TCF4: variants seen among roughly 807,000 people sequenced by gnomAD.
The protein encoded by TCF4 is SL3-3 enhancer factor 2.
In TCF4, 3 loss-of-function variants were observed where a neutral mutation model predicts 82.1. That is an observed-to-expected ratio of 0.04 (90% confidence interval 0.02 to 0.09). The LOEUF is 0.09. Among genes scored for constraint, TCF4 ranks in the 10% least tolerant of loss-of-function variants. The pLI is 1.00. For missense variants in TCF4, 518 were observed against 852.7 expected (o/e 0.61, Z 4.89); for synonymous variants, 276 against 309.6 (o/e 0.89, Z 1.14).
upstream of TCF4, among the ~76,000 whole-genome samples, chr18:55,593,088 AAGT>A (rs2147929353): frequency 6.6e-6 from 1 of 152,278 alleles, no homozygotes; most frequent in Admixed American, 6.5e-5. Flanking sequence ...TTTTTTTCTA[AAGT>A]AGTGACCGCT....
intron 3 of TCF4, among the ~76,000 whole-genome samples, chr18:55,573,817 A>G (rs1245593633): frequency 6.6e-6 from 1 of 152,204 alleles, no homozygotes; most frequent in Non-Finnish European, 1.5e-5. Flanking sequence ...TCCTCCATGT[A>G]GGCAACATCA....
intron 2 of TCF4, among the ~76,000 whole-genome samples, chr18:55,607,045 A>T (rs947608109): frequency 6.6e-6 from 1 of 152,166 alleles, no homozygotes; most frequent in African/African-American, 2.4e-5. Context: ...CAATACCTAC[A>T]GCACAGTAGG....
chr18:55,455,282 G>A (rs1033564356), intron 5 of TCF4, among the ~76,000 whole-genome samples: 2 of 151,284 alleles, frequency 1.3e-5, no homozygotes, highest in African/African-American at 4.9e-5. Context: ...CCTGACTCCT[G>A]ACTACCAGCC....
At chr18:55,588,290 G>T (rs2097672516), upstream of TCF4, 1 of 1,442,620 alleles carries the variant, frequency 6.9e-7, no homozygotes, top group East Asian at 2.5e-5. Context: ...ACGCCGAGGC[G>T]CACGGAATTG....
intron 1 of TCF4, among the ~76,000 whole-genome samples, chr18:55,632,757 G>A (rs2097732811): frequency 6.6e-6 from 1 of 152,218 alleles, no homozygotes; most frequent in South Asian, 2.1e-4. Flanking sequence ...TGAATATAGG[G>A]TGTGAAGGAC....
In TCF4 at chr18:55,260,611, T is replaced by G. The variant is rs1424873646; in HGVS notation, c.991-584A>C. 4.6e-5 allele frequency among the ~76,000 whole-genome samples: 7 copies of G among 152,250 alleles called. No individual in the cohort carries two copies. The South Asian group carries it at 1.5e-3, about 32-fold the overall frequency. ...TCTTGCTCTGTCACCCAAGTTGGAG[T>G]GCAGTGGCATGATCTCAGCTCACTG... On this transcript the variant is annotated intron_variant, in intron 12 of 19. Transcript: ENST00000354452.
chr18:55,542,573 A>G (rs186208227), intron 3 of TCF4, among the ~76,000 whole-genome samples: 45 of 152,082 alleles, frequency 3.0e-4, no homozygotes, highest in Non-Finnish European at 5.0e-4. Context: ...GAGACAACAT[A>G]ATCCAAAAAT....
intron 6 of TCF4, among the ~76,000 whole-genome samples, chr18:55,375,960 C>G (rs1430625781): frequency 1.3e-5 from 2 of 150,214 alleles, no homozygotes; most frequent in Non-Finnish European, 3.0e-5. Context: ...TCAACATTCT[C>G]AAGTGTCTGA....
intron 3 of TCF4, among the ~76,000 whole-genome samples, chr18:55,508,563 C>A (rs958403419): frequency 6.6e-6 from 1 of 152,122 alleles, no homozygotes; most frequent in Non-Finnish European, 1.5e-5. Context: ...TTCCCATAGC[C>A]CAATGAAGCA....
chr18:55,497,860 A>G (rs569500821), intron 3 of TCF4, among the ~76,000 whole-genome samples: 8 of 151,498 alleles, frequency 5.3e-5, no homozygotes, highest in South Asian at 2.1e-4. Context: ...TTGGAAGGGG[A>G]AAAAAAAACC....
At chr18:55,500,902 G>A (rs1028133120) in intron 3 of TCF4, among the ~76,000 whole-genome samples, 10 of 152,044 alleles carry the variant, frequency 6.6e-5, no homozygotes, top group African/African-American at 2.2e-4. Context: ...ATTCTCCTAC[G>A]TTTAGGTCAG....
At chr18:55,563,817 G>A (rs1400584239) in intron 3 of TCF4, among the ~76,000 whole-genome samples, 1 of 152,204 alleles carries the variant, frequency 6.6e-6, no homozygotes, top group African/African-American at 2.4e-5. Context: ...ACTATGCAAA[G>A]TGTATTTGCA....
intron 3 of TCF4, among the ~76,000 whole-genome samples, chr18:55,543,053 C>T (rs972534829): frequency 1.3e-5 from 2 of 151,996 alleles, no homozygotes; most frequent in Non-Finnish European, 2.9e-5. Flanking sequence ...TTTACAGAGG[C>T]TCAAAGAAGT....
rs771062962 is a variant in TCF4 at position 55,261,440 on chromosome 18, G to A, written c.990+26C>T. 3.1e-6 allele frequency: 5 copies of A among 1,612,410 alleles called. No homozygotes were observed. In the African/African-American group the frequency reaches 6.7e-5, roughly 22 times the overall value. ...GTTCACCCTTTACAATGGTACATAT[G>A]GAGTCCAAAGTCAATATTTCCTCAC... On this transcript the variant is annotated intron_variant, in intron 12 of 19. Transcript: ENST00000354452.
At chr18:55,230,661 C>T (rs2047673851) in intron 17 of TCF4, 2 of 152,148 alleles carry the variant, frequency 1.3e-5, no homozygotes, top group Admixed American at 1.3e-4. Context: ...TGATTAATCA[C>T]AACATTTCGG....
chr18:55,323,104 C>A (rs1268920975), intron 8 of TCF4, among the ~76,000 whole-genome samples: 1 of 151,572 alleles, frequency 6.6e-6, no homozygotes, highest in Non-Finnish European at 1.5e-5. Flanking sequence ...AAATATTATA[C>A]CAATCAACAA....
At chr18:55,287,696 T>TA (rs1188697882) in intron 8 of TCF4, among the ~76,000 whole-genome samples, 3 of 152,062 alleles carry the variant, frequency 2.0e-5, no homozygotes, top group Non-Finnish European at 4.4e-5. Flanking sequence ...AAAGGCACAG[T>TA]AAAAAAAGTG....
chr18:55,417,006 C>A (rs946164014), intron 5 of TCF4, among the ~76,000 whole-genome samples: 8 of 152,142 alleles, frequency 5.3e-5, no homozygotes, highest in African/African-American at 1.4e-4. Context: ...CAGGACAATC[C>A]ATTATATCTG....
chr18:55,447,031 C>T (rs2095538767), intron 5 of TCF4, among the ~76,000 whole-genome samples: 1 of 150,930 alleles, frequency 6.6e-6, no homozygotes, highest in African/African-American at 2.4e-5. Flanking sequence ...CTTAGCCAAG[C>T]TGGACACAGT....
Sources: gnomAD v4.1 joint callset for allele counts (sites outside exome capture counted in the v4.1 genomes callset) on GRCh38, gnomAD v4.1.1 for gene constraint, MANE v1.5 for transcripts, NCBI Gene and HGNC (gene_info 2026-07-23, HGNC 2026-07-21) for gene names.